The following GRIN2A variants were observed in gnomAD, a reference collection of about 807,000 sequenced individuals.
GRIN2A encodes the protein glutamate ionotropic receptor NMDA type subunit 2A.
A neutral mutation model predicts 113.4 loss-of-function variants in GRIN2A; 22 were observed. The ratio of observed to expected loss-of-function variants is 0.19; its 90% CI spans 0.14 to 0.28. GRIN2A has a LOEUF of 0.28. Among genes scored for constraint, GRIN2A ranks in the 10% least tolerant of loss-of-function variants. The pLI, the probability that GRIN2A is intolerant of heterozygous loss-of-function variation, is 1.00. For synonymous variants in GRIN2A, 827 were observed against 738.4 expected (o/e 1.12, Z -1.94); for missense variants, 1,502 against 1,887.0 (o/e 0.80, Z 3.78).
intron 11 of GRIN2A, among the ~76,000 whole-genome samples, chr16:9,777,980 A>C (rs1421492222): frequency 6.6e-6 from 1 of 152,164 alleles, no homozygotes; most frequent in Admixed American, 6.5e-5. Context: ...CAGTAGAATC[A>C]CTTGAACCTG....
chr16:10,004,260 G>A (rs1242146886), intron 2 of GRIN2A, among the ~76,000 whole-genome samples: 9 of 151,782 alleles, frequency 5.9e-5, no homozygotes, highest in South Asian at 2.1e-4. Context: ...ATGATGGTGC[G>A]CACCTGTAGT....
chr16:10,029,483 G>T (rs191339549), intron 2 of GRIN2A, among the ~76,000 whole-genome samples: 10 of 152,238 alleles, frequency 6.6e-5, no homozygotes, highest in African/African-American at 2.4e-4. Context: ...CGTAAAGGCT[G>T]CAGTCACGTA....
intron 2 of GRIN2A, among the ~76,000 whole-genome samples, chr16:9,970,109 C>T (rs3105686): frequency 6.6e-6 from 1 of 151,930 alleles, no homozygotes; most frequent in Non-Finnish European, 1.5e-5. Flanking sequence ...CATTGGGATC[C>T]CTAATACAGA....
At chr16:10,087,853 A>T (rs1388801601) in intron 2 of GRIN2A, among the ~76,000 whole-genome samples, 9 of 108,458 alleles carry the variant, frequency 8.3e-5, no homozygotes, top group Admixed American at 2.2e-4. Context: ...TGCCCAGCTA[A>T]TTTTTTTTTT....
At chr16:9,864,349 T>C (rs2043124874) in intron 4 of GRIN2A, among the ~76,000 whole-genome samples, 1 of 152,184 alleles carries the variant, frequency 6.6e-6, no homozygotes, top group African/African-American at 2.4e-5. Context: ...TTTTATTTAT[T>C]GTGATAATCA....
Position 9,792,868 on chromosome 16 carries a change from T to C in GRIN2A, c.2356+5409A>G, listed in dbSNP as rs537824361. 2.0e-5 allele frequency among the ~76,000 whole-genome samples: 3 copies of C among 152,352 alleles called. No homozygotes were observed. In the East Asian group the frequency reaches 5.8e-4, roughly 29 times the overall value. On this transcript the variant is annotated intron_variant, in intron 11 of 12. Transcript: ENST00000330684. ...GGTTTCTCCTTGCAGCTTGGTTTAG[T>C]AGGAAATGATCAGAATTGGACTCAG...
chr16:10,122,426 A>T (rs2048853030), intron 2 of GRIN2A, among the ~76,000 whole-genome samples: 1 of 152,184 alleles, frequency 6.6e-6, no homozygotes, highest in African/African-American at 2.4e-5. Context: ...TGAACATTGC[A>T]GCAGGTTCGG....
intron 2 of GRIN2A, among the ~76,000 whole-genome samples, chr16:9,979,390 C>G (rs1328528668): frequency 6.6e-6 from 1 of 152,158 alleles, no homozygotes; most frequent in East Asian, 1.9e-4. Context: ...AGCTTTTTCC[C>G]TCCTCAGTGT....
At chr16:10,132,220 T>C (rs1567322083) in intron 2 of GRIN2A, among the ~76,000 whole-genome samples, 1 of 151,580 alleles carries the variant, frequency 6.6e-6, no homozygotes, top group Non-Finnish European at 1.5e-5. Context: ...TAATCCTAGC[T>C]ACTCAGGAAC....
intron 10 of GRIN2A, among the ~76,000 whole-genome samples, chr16:9,803,951 G>A (rs957623574): frequency 6.6e-6 from 1 of 152,170 alleles, no homozygotes; most frequent in Non-Finnish European, 1.5e-5. Context: ...GGCAAGGATG[G>A]GGCCAGAGCG....
rs377708361 is a variant in GRIN2A, at chr16:10,029,248, G to A, written c.415-90697C>T. Among the ~76,000 whole-genome samples the A allele has an allele frequency of 7.9e-5, 12 of 151,974 alleles. No homozygotes were observed. The East Asian group carries it at 9.7e-4, about 12-fold the overall frequency. ...TCGCTCTTGTTGCCCAGGCTGGAGT[G>A]CAATGGCACAATCTTGGCTCACCGC... is the stretch of plus-strand genomic sequence containing the variant. On this transcript the variant is annotated intron_variant, in intron 2 of 12. Coordinates refer to ENST00000330684, the MANE Select transcript of GRIN2A (RefSeq NM_001134407.3).
chr16:9,868,464 G>A (rs927867783), intron 4 of GRIN2A, among the ~76,000 whole-genome samples: 1 of 152,014 alleles, frequency 6.6e-6, no homozygotes, highest in Non-Finnish European at 1.5e-5. Context: ...ATGGGGTTTT[G>A]CCATGTTAGC....
chr16:9,968,914 C>G (rs1044384731), intron 2 of GRIN2A, among the ~76,000 whole-genome samples: 2 of 152,018 alleles, frequency 1.3e-5, no homozygotes, highest in African/African-American at 4.8e-5. Context: ...TGCCCTCAAA[C>G]CACATATATT....
intron 11 of GRIN2A, among the ~76,000 whole-genome samples, chr16:9,771,193 T>A (rs1172740235): frequency 1.3e-5 from 2 of 150,198 alleles, no homozygotes; most frequent in South Asian, 4.2e-4. Flanking sequence ...TATATAATAG[T>A]CCCATCTTTT....
chr16:9,939,718 G>T (rs1054537279), intron 2 of GRIN2A, among the ~76,000 whole-genome samples: 1 of 152,074 alleles, frequency 6.6e-6, no homozygotes, highest in African/African-American at 2.4e-5. Context: ...TCTGCATCCT[G>T]CCCCCTTTCT....
intron 2 of GRIN2A, among the ~76,000 whole-genome samples, chr16:9,953,463 C>G (rs182738300): frequency 9.7e-4 from 148 of 152,176 alleles, no homozygotes; most frequent in African/African-American, 3.3e-3. Flanking sequence ...ATATGGAATT[C>G]AGGTTTAGGT....
chr16:9,988,542 ATCTCTCTC>A (rs140580698), intron 2 of GRIN2A, among the ~76,000 whole-genome samples: 1 of 148,718 alleles, frequency 6.7e-6, no homozygotes, highest in African/African-American at 2.5e-5. Context: ...GTACCAATTA[ATCTCTCTC>A]TCTCTCTCTC....
At chr16:9,915,132 T>C (rs1032021656) in intron 3 of GRIN2A, among the ~76,000 whole-genome samples, 6 of 151,280 alleles carry the variant, frequency 4.0e-5, no homozygotes, top group African/African-American at 1.5e-4. Flanking sequence ...GAGATGGGGT[T>C]TCACCATGTT....
At chr16:10,020,455 T>C (rs1208956962) in intron 2 of GRIN2A, among the ~76,000 whole-genome samples, 1 of 152,190 alleles carries the variant, frequency 6.6e-6, no homozygotes, top group Non-Finnish European at 1.5e-5. Flanking sequence ...ATGTAGATGA[T>C]CAATAAATAT....
Sources: gnomAD v4.1 joint callset for allele counts (sites outside exome capture counted in the v4.1 genomes callset) on GRCh38, gnomAD v4.1.1 for gene constraint, MANE v1.5 for transcripts, NCBI Gene and HGNC (gene_info 2026-07-23, HGNC 2026-07-21) for gene names.